The following PSIP1 variants were observed in gnomAD, a reference collection of about 807,000 sequenced individuals.
The protein encoded by PSIP1 is PC4 and SRSF1 interacting protein 1.
Under a neutral mutation model 74.7 loss-of-function variants are expected in PSIP1, and 19 were observed. The ratio of observed to expected loss-of-function variants is 0.25; its 90% CI spans 0.18 to 0.37. The LOEUF is 0.37. Among genes scored for constraint, PSIP1 ranks in the 10% least tolerant of loss-of-function variants. The pLI, the probability that PSIP1 is intolerant of heterozygous loss-of-function variation, is 1.00. For synonymous variants in PSIP1, 222 were observed against 195.3 expected (o/e 1.14, Z -1.14); for missense variants, 601 against 614.3 (o/e 0.98, Z 0.23).
chr9:15,504,308 A>T (rs868213468), intron 3 of PSIP1, among the ~76,000 whole-genome samples: 3 of 152,036 alleles, frequency 2.0e-5, no homozygotes, highest in South Asian at 2.1e-4. Context: ...ACAACAGTTT[A>T]GTTATTTAGT....
At chr9:15,500,441 A>G (rs549878475) in intron 3 of PSIP1, among the ~76,000 whole-genome samples, 53 of 152,150 alleles carry the variant, frequency 3.5e-4, no homozygotes, top group African/African-American at 1.3e-3. Context: ...ACTGCACTCC[A>G]GCCTGGGAGA....
chr9:15,477,377 T>G (rs1490214314), intron 8 of PSIP1, among the ~76,000 whole-genome samples: 1 of 152,152 alleles, frequency 6.6e-6, no homozygotes, highest in Non-Finnish European at 1.5e-5. Flanking sequence ...TCTTAGTAAT[T>G]TTCAAGTATA....
intron 12 of PSIP1, 66 bp downstream of exon 12, chr9:15,469,200 T>C: frequency 7.6e-7 from 1 of 1,323,980 alleles, no homozygotes; most frequent in Non-Finnish European, 1.1e-6. Context: ...CATAAGATCA[T>C]GTGAGAAAAT....
At chr9:15,503,314 C>T (rs2037430117) in intron 3 of PSIP1, among the ~76,000 whole-genome samples, 1 of 151,766 alleles carries the variant, frequency 6.6e-6, no homozygotes, top group Non-Finnish European at 1.5e-5. Flanking sequence ...TTGCAATGAG[C>T]CGAGATGGTG....
At chr9:15,480,689 A>G (rs1274712250) in intron 6 of PSIP1, among the ~76,000 whole-genome samples, 1 of 152,246 alleles carries the variant, frequency 6.6e-6, no homozygotes, top group East Asian at 1.9e-4. Flanking sequence ...TGGGAGGCCA[A>G]GGTGAGTGGA....
chr9:15,465,531 GT>G lies in PSIP1; in HGVS notation c.1581del (p.Leu528Ter), dbSNP rs2035561723. 3 of 1,572,666 alleles carry G rather than the reference GT, an allele frequency of 1.9e-6. No individual in the cohort carries two copies. In the East Asian group the frequency reaches 6.8e-5, roughly 35 times the overall value. ...CCAGGTATGTCAACCTAGTTATCTA[GT>G]GTAGAATCCTTCAGAGATATTTCAG... ...RETEISLKDS[T>X]LDN On this transcript the variant is annotated frameshift_variant, in exon 16 of 16. Transcript: ENST00000380733. LOFTEE classifies it high-confidence loss of function.
rs372344500 is a variant in PSIP1 at position 15,479,671 on chromosome 9, T to G, written c.473A>C (p.Glu158Ala). Residue 158 changes from glutamate to alanine, a missense_variant, in exon 7 of 16, where the codon GAA becomes GCA. Glu to Ala is a moderately radical substitution (Grantham distance 107). Around this residue, in one of 2 missense-constraint regions of PSIP1, gnomAD observed 538 missense variants for 507.6 expected, o/e 1.06. Coordinates refer to ENST00000380733, the MANE Select transcript of PSIP1 (RefSeq NM_033222.5). ...TGTCACTACTCCTGCCTCCTCAGTT[T>G]CTACTTGTTTTTCTGCCTGAATTAC... Reference protein sequence around the residue: ...GRKRKAEKQVETEEAGVVTTA... With the variant: ...GRKRKAEKQVATEEAGVVTTA... 17 of 1,612,434 alleles carry G rather than the reference T, an allele frequency of 1.1e-5. No individual in the cohort carries two copies. Among genetic ancestry groups the G allele is most frequent in the Non-Finnish European group, 1.4e-5 (16 of 1,179,518 alleles).
chr9:15,478,787 T>C (rs1393764331), intron 7 of PSIP1, among the ~76,000 whole-genome samples: 1 of 152,158 alleles, frequency 6.6e-6, no homozygotes, highest in African/African-American at 2.4e-5. Flanking sequence ...TTATTATGAC[T>C]GAGAGGGCTT....
At chr9:15,471,095 A>G (rs1371290534) in intron 10 of PSIP1, 1 of 1,552,810 alleles carries the variant, frequency 6.4e-7, no homozygotes, top group Non-Finnish European at 8.7e-7. Flanking sequence ...GGAAGGGGGA[A>G]ATTCAGTCCA....
At chr9:15,485,941 C>T (rs1007726257) in intron 6 of PSIP1, 65 bp downstream of exon 6, 62 of 1,374,508 alleles carry the variant, frequency 4.5e-5, no homozygotes, top group Non-Finnish European at 5.7e-5. Context: ...TATCTACTCT[C>T]CCTCAACCCA....
intron 14 of PSIP1, 30 bp from the exon 15 acceptor site, chr9:15,466,889 G>C: frequency 6.5e-7 from 1 of 1,546,476 alleles, no homozygotes; most frequent in East Asian, 2.3e-5. Flanking sequence ...GAAAAACTTT[G>C]TTAAAGCTTA....
intron 10 of PSIP1, chr9:15,470,645 T>TA (rs947226413): frequency 3.4e-5 from 32 of 928,962 alleles, no homozygotes; most frequent in East Asian, 2.1e-4. Context: ...GTTTTTTTTT[T>TA]AAAAAAAACT....
At chr9:15,491,463 C>T (rs1029178027) in intron 3 of PSIP1, among the ~76,000 whole-genome samples, 7 of 152,316 alleles carry the variant, frequency 4.6e-5, no homozygotes, top group East Asian at 3.9e-4. Context: ...ACAAGTACTA[C>T]TGATCTGGGC....
intron 2 of PSIP1, among the ~76,000 whole-genome samples, chr9:15,507,135 A>G (rs140552273): frequency 2.0e-5 from 3 of 152,354 alleles, no homozygotes; most frequent in African/African-American, 4.8e-5. Flanking sequence ...AGTACCTCCC[A>G]AAGTCTGAAA....
At chr9:15,487,635 C>T (rs148094488) in intron 4 of PSIP1, among the ~76,000 whole-genome samples, 5 of 152,264 alleles carry the variant, frequency 3.3e-5, no homozygotes, top group East Asian at 3.9e-4. Flanking sequence ...AATTACAAGA[C>T]GTTAAGTTTC....
chr9:15,503,081 A>C (rs1394942960), intron 3 of PSIP1, among the ~76,000 whole-genome samples: 1 of 152,244 alleles, frequency 6.6e-6, no homozygotes, highest in Non-Finnish European at 1.5e-5. Context: ...AAAAAGTTCA[A>C]ACAGGCCAGG....
rs1442624126 is a variant in PSIP1, at chr9:15,468,670, C to T, written c.1380G>A (p.Gly460=). ...HEEANKTKDQ[G]KKGPNKKLEK... is the part of the protein sequence containing the mutation. ...CTAGCTTTTTGTTTGGCCCTTTCTT[C>T]CCTTGATCTTTGGTTTTATTCGCTT... is the stretch of plus-strand genomic sequence containing the variant. Residue 460 remains glycine, a synonymous_variant, in exon 14 of 16, where the codon GGG becomes GGA. Transcript: ENST00000380733. 9 of 1,614,112 alleles carry T rather than the reference C, an allele frequency of 5.6e-6. No individual in the cohort carries two copies. Among genetic ancestry groups the T allele is most frequent in the Non-Finnish European group, 7.6e-6 (9 of 1,179,996 alleles).
At chr9:15,491,725 G>A (rs192790193) in intron 3 of PSIP1, among the ~76,000 whole-genome samples, 4 of 152,260 alleles carry the variant, frequency 2.6e-5, no homozygotes, top group East Asian at 1.9e-4. Flanking sequence ...CCATTCTCAC[G>A]CTGCTATGAA....
intron 2 of PSIP1, among the ~76,000 whole-genome samples, chr9:15,506,917 T>G (rs1018293126): frequency 6.6e-6 from 1 of 152,232 alleles, no homozygotes; most frequent in Non-Finnish European, 1.5e-5. Flanking sequence ...GACATATTAT[T>G]ATGTGCTATT....
Sources: allele counts gnomAD v4.1 joint callset (sites outside exome capture counted in the v4.1 genomes callset), GRCh38; gene constraint gnomAD v4.1.1; regional missense constraint gnomAD v4.1.1; transcripts MANE v1.5; gene names NCBI Gene and HGNC (gene_info 2026-07-23, HGNC 2026-07-21).